The following FRMD4A variants were observed in gnomAD, a reference collection of about 807,000 sequenced individuals.
FRMD4A encodes the protein FERM domain containing 4A.
FRMD4A carries 29 observed loss-of-function variants against 129.1 expected under a neutral mutation model. That is an observed-to-expected ratio of 0.22 (90% CI 0.17 to 0.31). The LOEUF is 0.31. Ranked by LOEUF, FRMD4A falls within the 10% of genes least tolerant of loss-of-function variation. The pLI is 1.00. For missense variants in FRMD4A, 1,272 were observed against 1,375.8 expected (o/e 0.92, Z 1.19); for synonymous variants, 634 against 571.6 (o/e 1.11, Z -1.56).
chr10:14,135,219 C>A (rs1839473852), intron 2 of FRMD4A, among the ~76,000 whole-genome samples: 1 of 152,098 alleles, frequency 6.6e-6, no homozygotes, highest in South Asian at 2.1e-4. Context: ...TATTTGAGTC[C>A]TTGTGGATGA....
chr10:13,649,851 T>G lies in FRMD4A; in HGVS notation c.*2+2052A>C, dbSNP rs187944073. 4.8e-3 allele frequency among the ~76,000 whole-genome samples: 729 copies of G among 152,334 alleles called. 3 individuals are homozygous for G. The highest frequency in any genetic ancestry group is 8.5e-3 in the Non-Finnish European group (580 of 68,018). On this transcript the variant is annotated intron_variant, in intron 24 of 24. Coordinates refer to ENST00000357447, the MANE Select transcript of FRMD4A (RefSeq NM_018027.5). ...TCACAAATAATACAAATGGGGCCAC[T>G]AAATAGTTGCCCTAGTAAAAACCTA...
chr10:14,305,362 GAAC>G (rs1846314505), intron 2 of FRMD4A, among the ~76,000 whole-genome samples: 1 of 151,916 alleles, frequency 6.6e-6, no homozygotes, highest in Non-Finnish European at 1.5e-5. Flanking sequence ...TGAAATTGCT[GAAC>G]AAAAAAATGA....
chr10:14,120,068 C>T (rs1406672307), intron 2 of FRMD4A, among the ~76,000 whole-genome samples: 4 of 147,596 alleles, frequency 2.7e-5, no homozygotes, highest in Admixed American at 6.9e-5. Flanking sequence ...GAGCTATTTG[C>T]ATCTTTTCTT....
chr10:13,648,450 G>T (rs1344092027), intron 24 of FRMD4A, among the ~76,000 whole-genome samples: 1 of 152,100 alleles, frequency 6.6e-6, no homozygotes, highest in African/African-American at 2.4e-5. Context: ...ACTCCACGTG[G>T]TCCTGGTGGT....
At chr10:14,090,966 G>A (rs988936196) in intron 2 of FRMD4A, among the ~76,000 whole-genome samples, 1 of 151,970 alleles carries the variant, frequency 6.6e-6, no homozygotes, top group Admixed American at 6.6e-5. Flanking sequence ...ACACCACCAC[G>A]CCCAGCTCAA....
At chr10:14,242,524 T>C (rs1414247793) in intron 2 of FRMD4A, among the ~76,000 whole-genome samples, 1 of 152,200 alleles carries the variant, frequency 6.6e-6, no homozygotes, top group Non-Finnish European at 1.5e-5. Flanking sequence ...AAAAGTCCAA[T>C]AAAGACATAC....
At chr10:13,843,094 C>A in intron 3 of FRMD4A, among the ~76,000 whole-genome samples, 1 of 152,314 alleles carries the variant, frequency 6.6e-6, no homozygotes, top group East Asian at 1.9e-4. Flanking sequence ...GAAAGGTGTA[C>A]AATCTGCACT....
intron 3 of FRMD4A, among the ~76,000 whole-genome samples, chr10:13,819,434 T>C (rs1164569862): frequency 6.6e-6 from 1 of 152,134 alleles, no homozygotes; most frequent in Non-Finnish European, 1.5e-5. Flanking sequence ...CCATCCTGCC[T>C]ACAAATGCTC....
intron 2 of FRMD4A, among the ~76,000 whole-genome samples, chr10:14,245,098 T>C (rs1200466257): frequency 6.6e-6 from 1 of 152,186 alleles, no homozygotes; most frequent in African/African-American, 2.4e-5. Flanking sequence ...ATGGGAGTAC[T>C]AATGACTCAT....
intron 5 of FRMD4A, among the ~76,000 whole-genome samples, chr10:13,795,696 C>G (rs957040306): frequency 2.6e-5 from 4 of 152,158 alleles, no homozygotes; most frequent in Non-Finnish European, 5.9e-5. Context: ...AGGTTCTGGA[C>G]AGAAAGAACC....
chr10:14,004,451 A>G (rs575630462), intron 2 of FRMD4A, among the ~76,000 whole-genome samples: 4 of 152,324 alleles, frequency 2.6e-5, no homozygotes, highest in African/African-American at 9.6e-5. Flanking sequence ...CTGAGGCAGG[A>G]GAATCACTTG....
At chr10:14,031,555 G>A (rs1833246319) in intron 2 of FRMD4A, among the ~76,000 whole-genome samples, 1 of 152,166 alleles carries the variant, frequency 6.6e-6, no homozygotes, top group East Asian at 1.9e-4. Context: ...GGCACACCCA[G>A]CCTTACAGAT....
chr10:14,004,102 T>G (rs2131624753), intron 2 of FRMD4A, among the ~76,000 whole-genome samples: 1 of 152,344 alleles, frequency 6.6e-6, no homozygotes, highest in Admixed American at 6.5e-5. Context: ...GTTTTCCACG[T>G]GTCTTACATA....
At chr10:14,245,204 G>T (rs1375328271) in intron 2 of FRMD4A, among the ~76,000 whole-genome samples, 1 of 152,218 alleles carries the variant, frequency 6.6e-6, no homozygotes, top group African/African-American at 2.4e-5. Context: ...CTTGGGCTGG[G>T]ATCAGTGGCA....
intron 18 of FRMD4A, among the ~76,000 whole-genome samples, chr10:13,665,237 G>A (rs4531355): frequency 0.8 from 121,089 of 151,724 alleles, 48,619 homozygotes; most frequent in East Asian, 0.85. Flanking sequence ...TTGCGTAACC[G>A]TCACCACCAT....
chr10:13,785,590 A>AT (rs902924910), intron 5 of FRMD4A, among the ~76,000 whole-genome samples: 5 of 152,130 alleles, frequency 3.3e-5, no homozygotes, highest in Middle Eastern at 3.4e-3. Flanking sequence ...TCTTTTTTAA[A>AT]TTTTTTTATT....
chr10:14,082,224 G>A (rs1408295750), intron 2 of FRMD4A, among the ~76,000 whole-genome samples: 2 of 152,064 alleles, frequency 1.3e-5, no homozygotes, highest in Non-Finnish European at 2.9e-5. Context: ...TCCAGCCTGG[G>A]CAACAGAGCG....
intron 2 of FRMD4A, among the ~76,000 whole-genome samples, chr10:13,942,886 T>C (rs1349045215): frequency 2.6e-5 from 4 of 152,022 alleles, no homozygotes; most frequent in South Asian, 2.1e-4. Context: ...TGAGCCGAGA[T>C]TGTGCCACTG....
intron 6 of FRMD4A, among the ~76,000 whole-genome samples, chr10:13,764,737 T>C (rs1311865825): frequency 6.6e-6 from 1 of 152,104 alleles, no homozygotes; most frequent in African/African-American, 2.4e-5. Context: ...AGCACAAATA[T>C]CCATTTTATT....
Sources: allele counts gnomAD v4.1 joint callset (sites outside exome capture counted in the v4.1 genomes callset), GRCh38; gene constraint gnomAD v4.1.1; transcripts MANE v1.5; gene names NCBI Gene and HGNC (gene_info 2026-07-23, HGNC 2026-07-21).